Variants in TRIM9 observed in about 807,000 individuals in gnomAD.
TRIM9 encodes the protein tripartite motif containing 9, also known as E3 ubiquitin-protein ligase TRIM9.
A neutral mutation model predicts 78.3 loss-of-function variants in TRIM9; 26 were observed. The ratio of observed to expected loss-of-function variants is 0.33; its 90% CI spans 0.24 to 0.46. The LOEUF is 0.46. Ranked by LOEUF, TRIM9 falls within the 20% of genes least tolerant of loss-of-function variation. TRIM9 has a pLI of 1.00. For missense variants in TRIM9, 787 were observed against 1,036.4 expected, an observed-to-expected ratio of 0.76 and a Z score of 3.30; for synonymous variants, 398 against 416.5, an observed-to-expected ratio of 0.96 and a Z score of 0.54.
At position 51,094,799 on chromosome 14, in the gene TRIM9, G is replaced by T; in HGVS notation, c.141C>A (p.Pro47=). ...ILVQTPESES[P]QSHRAAGSGV... ...CGGAGCCCGCGGCCCGATGGCTCTG[G>T]GGGGATTCAGACTCTGGGGTCTGCA... The change falls in exon 1 of 13, where the codon CCC becomes CCA. Residue 47 remains proline, a synonymous_variant. Coordinates refer to ENST00000684578, the MANE Select transcript of TRIM9 (RefSeq NM_001387360.1). 30 of 1,536,780 alleles carry T rather than the reference G, an allele frequency of 2.0e-5. No homozygotes were observed. Among genetic ancestry groups the T allele is most frequent in the Non-Finnish European group, 2.5e-5 (29 of 1,146,344 alleles).
At chr14:51,025,191 G>A in intron 2 of TRIM9, 74 bp downstream of exon 2, 2 of 1,306,038 alleles carry the variant, frequency 1.5e-6, no homozygotes, top group South Asian at 2.5e-5. Flanking sequence ...AATAAAAGAG[G>A]AGAAGGAAAC....
At chr14:51,083,708 G>A (rs1428765541) in intron 1 of TRIM9, among the ~76,000 whole-genome samples, 1 of 152,190 alleles carries the variant, frequency 6.6e-6, no homozygotes, top group African/African-American at 2.4e-5. Flanking sequence ...GAATGTGAGG[G>A]AGTTGAGATA....
chr14:51,093,530 G>A (rs1271400077), intron 1 of TRIM9, among the ~76,000 whole-genome samples: 1 of 152,234 alleles, frequency 6.6e-6, no homozygotes, highest in Non-Finnish European at 1.5e-5. Flanking sequence ...TTTTGAGCAC[G>A]TGGCACCAGG....
chr14:51,003,700 T>C (rs2055384961), intron 5 of TRIM9, among the ~76,000 whole-genome samples: 1 of 150,360 alleles, frequency 6.7e-6, no homozygotes, highest in East Asian at 1.9e-4. Context: ...TTGTCCCAGA[T>C]TTAGACAAAT....
At chr14:50,999,936 G>T (rs1337673996) in intron 6 of TRIM9, among the ~76,000 whole-genome samples, 1 of 152,218 alleles carries the variant, frequency 6.6e-6, no homozygotes. Context: ...GTCTTACCAG[G>T]AGGCCATTCT....
intron 1 of TRIM9, among the ~76,000 whole-genome samples, chr14:51,030,972 C>T: frequency 6.6e-6 from 1 of 151,808 alleles, no homozygotes. Flanking sequence ...CATGGTGAAA[C>T]CTTGTCTCTA....
chr14:51,059,394 A>G (rs1363378210), intron 1 of TRIM9, among the ~76,000 whole-genome samples: 1 of 152,234 alleles, frequency 6.6e-6, no homozygotes, highest in Non-Finnish European at 1.5e-5. Context: ...AGGGTAGTCT[A>G]TTCTTTCAAC....
chr14:51,071,945 A>G (rs918956554), intron 1 of TRIM9, among the ~76,000 whole-genome samples: 5 of 152,236 alleles, frequency 3.3e-5, no homozygotes, highest in Non-Finnish European at 7.3e-5. Flanking sequence ...GGTGCTACGC[A>G]TTTGCCAATC....
intron 1 of TRIM9, among the ~76,000 whole-genome samples, chr14:51,031,682 T>C (rs2058745510): frequency 6.6e-6 from 1 of 152,058 alleles, no homozygotes; most frequent in South Asian, 2.1e-4. Flanking sequence ...TTAAAATCTG[T>C]CCTTTTTACA....
intron 1 of TRIM9, among the ~76,000 whole-genome samples, chr14:51,087,603 G>A (rs1164847096): frequency 6.6e-6 from 1 of 152,166 alleles, no homozygotes; most frequent in Non-Finnish European, 1.5e-5. Context: ...GTCTCTGATA[G>A]TGTAGGTACA....
chr14:51,069,861 T>A (rs868535616), intron 1 of TRIM9, among the ~76,000 whole-genome samples: 50 of 152,342 alleles, frequency 3.3e-4, no homozygotes, highest in African/African-American at 1.1e-3. Context: ...AAAAATACAG[T>A]CAATCTCTAT....
At chr14:50,987,762 A>C (rs1447626606) in intron 7 of TRIM9, among the ~76,000 whole-genome samples, 1 of 152,038 alleles carries the variant, frequency 6.6e-6, no homozygotes, top group Non-Finnish European at 1.5e-5. Context: ...TTACAACTAT[A>C]TTTATGTCAA....
chr14:51,033,071 C>A (rs1300413327), intron 1 of TRIM9, among the ~76,000 whole-genome samples: 1 of 152,016 alleles, frequency 6.6e-6, no homozygotes, highest in Non-Finnish European at 1.5e-5. Flanking sequence ...GATAATCAAC[C>A]AATGTTATTT....
chr14:51,087,724 C>A (rs1394425394), intron 1 of TRIM9, among the ~76,000 whole-genome samples: 1 of 152,188 alleles, frequency 6.6e-6, no homozygotes, highest in African/African-American at 2.4e-5. Flanking sequence ...GCATTTACTT[C>A]ATAAGTTGTT....
intron 3 of TRIM9, among the ~76,000 whole-genome samples, chr14:51,015,132 T>C (rs949787006): frequency 6.6e-6 from 1 of 152,218 alleles, no homozygotes; most frequent in Non-Finnish European, 1.5e-5. Flanking sequence ...AGGTCATTTC[T>C]TGGGTCAGGA....
At chr14:50,985,386 C>G (rs1180219774) in intron 8 of TRIM9, among the ~76,000 whole-genome samples, 1 of 152,240 alleles carries the variant, frequency 6.6e-6, no homozygotes, top group African/African-American at 2.4e-5. Context: ...TAGCAGTGAG[C>G]ACAGGCTTTT....
intron 7 of TRIM9, among the ~76,000 whole-genome samples, chr14:50,989,002 C>A (rs1047527265): frequency 2.0e-5 from 3 of 152,190 alleles, no homozygotes; most frequent in African/African-American, 7.2e-5. Context: ...TCTAGACATA[C>A]CTCTTTGGGA....
At chr14:51,000,656 C>T (rs2139515859) in intron 6 of TRIM9, 27 bp downstream of exon 6, 1 of 1,612,860 alleles carries the variant, frequency 6.2e-7, no homozygotes, top group East Asian at 2.2e-5. Flanking sequence ...TTTGGGTTAA[C>T]AAGTACGTAG....
intron 1 of TRIM9, among the ~76,000 whole-genome samples, chr14:51,039,839 C>T (rs577911223): frequency 4.6e-5 from 7 of 152,126 alleles, no homozygotes; most frequent in Admixed American, 1.3e-4. Context: ...CTCTGCCTCC[C>T]GGGTTCACAC....
Sources: allele counts gnomAD v4.1 joint callset (sites outside exome capture counted in the v4.1 genomes callset), GRCh38; gene constraint gnomAD v4.1.1; transcripts MANE v1.5; gene names NCBI Gene and HGNC (gene_info 2026-07-23, HGNC 2026-07-21).